ADRA1A: variants seen among roughly 807,000 people sequenced by gnomAD.
ADRA1A encodes the protein alpha-1A adrenergic receptor.
In ADRA1A, 31 loss-of-function variants were observed where a neutral mutation model predicts 29.6. The ratio of observed to expected loss-of-function variants is 1.05; its 90% confidence interval spans 0.79 to 1.41. The LOEUF is 1.41. ADRA1A is among the 40% of genes most tolerant of loss of function. The pLI is 0.00. For synonymous variants in ADRA1A, 311 were observed against 254.3 expected, an observed-to-expected ratio of 1.22 and a Z score of -2.12; for missense variants, 619 against 601.1, an observed-to-expected ratio of 1.03 and a Z score of -0.31.
At chr8:26,814,921 T>C (rs1809656678) in intron 2 of ADRA1A, among the ~76,000 whole-genome samples, 2 of 152,242 alleles carry the variant, frequency 1.3e-5, no homozygotes, top group Admixed American at 1.3e-4. Flanking sequence ...GAACTGAACC[T>C]TTAATGGATG....
intron 2 of ADRA1A, among the ~76,000 whole-genome samples, chr8:26,760,099 C>T (rs1363023811): frequency 6.6e-6 from 1 of 152,212 alleles, no homozygotes; most frequent in Admixed American, 6.5e-5. Flanking sequence ...GCAGTTAGAA[C>T]AGTCCTGATT....
chr8:26,801,126 T>C (rs1808546749), intron 2 of ADRA1A, among the ~76,000 whole-genome samples: 5 of 152,050 alleles, frequency 3.3e-5, no homozygotes, highest in Admixed American at 3.3e-4. Context: ...AAGAACATAT[T>C]CCAACACAAT....
intron 2 of ADRA1A, among the ~76,000 whole-genome samples, chr8:26,750,396 T>C (rs1804869247): frequency 1.3e-5 from 2 of 152,006 alleles, no homozygotes; most frequent in Non-Finnish European, 2.9e-5. Context: ...GAGACAGGGT[T>C]TCACCATGTT....
In ADRA1A at chr8:26,864,488, G is replaced by A. The variant is rs200323122; in HGVS notation, c.482C>T (p.Pro161Leu). ...WALSLVISIG[P>L]LFGWRQPAPE... The stretch of plus-strand genomic sequence containing the variant: ...GGCCGGCTGCCTCCAGCCGAACAGG[G>A]GTCCAATGGATATGACCAGGGAGAG... Residue 161 changes from proline (P) to leucine (L), a missense_variant, in exon 2 of 3, where the codon CCC becomes CTC. Pro to Leu is a moderately conservative substitution (Grantham distance 98, BLOSUM62 -3). Transcript: ENST00000380573. The surrounding 1 kb of genome is among the most constrained non-coding windows in gnomAD (Gnocchi z 8.1). 2.1e-5 allele frequency: 34 copies of A among 1,613,744 alleles called. No homozygotes were observed. The highest frequency in any genetic ancestry group is 2.8e-5 in the Non-Finnish European group (33 of 1,180,056).
At chr8:26,795,186 T>C (rs1382977350) in intron 2 of ADRA1A, among the ~76,000 whole-genome samples, 1 of 152,036 alleles carries the variant, frequency 6.6e-6, no homozygotes, top group Non-Finnish European at 1.5e-5. Flanking sequence ...AACAGACTTA[T>C]TGCTACTGGT....
At chr8:26,759,254 A>G (rs760314487) in intron 2 of ADRA1A, among the ~76,000 whole-genome samples, 2 of 152,222 alleles carry the variant, frequency 1.3e-5, no homozygotes, top group African/African-American at 4.8e-5. Flanking sequence ...TTTAGGTATC[A>G]GGGTTGCATA....
chr8:26,857,211 G>C (rs1813112916), intron 2 of ADRA1A, among the ~76,000 whole-genome samples: 1 of 152,084 alleles, frequency 6.6e-6, no homozygotes. Context: ...GGGAACAGAG[G>C]CCACCAAGAC....
chr8:26,769,128 A>G lies in ADRA1A; in HGVS notation c.*1021T>C, dbSNP rs1805955366. On this transcript the variant is annotated 3_prime_UTR_variant, in exon 3 of 3. Transcript: ENST00000380573. The stretch of plus-strand genomic sequence containing the variant: ...TGCAATAGTGAAGCAGATAAGAAGT[A>G]ATGGGAGACAATCTTTTGCCTTTCA... 1.0e-6 allele frequency: 1 copy of G among 985,448 alleles called. No individual in the cohort carries two copies. The highest frequency in any genetic ancestry group is 1.1e-4 in the East Asian group (1 of 8,808). The allele number at this position is 985,448 out of a possible 1,614,324, so 61.0% of individuals were successfully genotyped here. A position where few individuals can be genotyped will look rare whatever the true frequency, so the allele number is the denominator to read the frequency against.
At chr8:26,840,911 A>T (rs1018336377) in intron 2 of ADRA1A, among the ~76,000 whole-genome samples, 1 of 152,182 alleles carries the variant, frequency 6.6e-6, no homozygotes, top group African/African-American at 2.4e-5. Context: ...GAGAGCAAAC[A>T]CAGCCTTATG....
intron 2 of ADRA1A, among the ~76,000 whole-genome samples, chr8:26,803,064 T>A (rs1808705824): frequency 6.6e-6 from 1 of 152,118 alleles, no homozygotes; most frequent in Admixed American, 6.6e-5. Flanking sequence ...GAATGATGGT[T>A]AGCAGTGACT....
At chr8:26,783,294 C>T (rs1807132434) in intron 2 of ADRA1A, among the ~76,000 whole-genome samples, 1 of 152,030 alleles carries the variant, frequency 6.6e-6, no homozygotes, top group South Asian at 2.1e-4. Flanking sequence ...ATCCAAGTGC[C>T]CACCCAGAGA....
At chr8:26,852,443 T>A (rs1292446210) in intron 2 of ADRA1A, among the ~76,000 whole-genome samples, 3 of 152,016 alleles carry the variant, frequency 2.0e-5, no homozygotes, top group Admixed American at 6.5e-5. Context: ...AGGACTTGGA[T>A]TCTTTGAAAA....
chr8:26,774,207 C>T (rs979701353), intron 2 of ADRA1A, among the ~76,000 whole-genome samples: 14 of 152,162 alleles, frequency 9.2e-5, no homozygotes, highest in Admixed American at 4.6e-4. Context: ...ATAGTTCCAC[C>T]AGGGGCAGGT....
intron 2 of ADRA1A, among the ~76,000 whole-genome samples, chr8:26,791,233 T>G (rs933693305): frequency 3.9e-5 from 6 of 152,214 alleles, no homozygotes; most frequent in African/African-American, 1.4e-4. Flanking sequence ...CTAATTTGAA[T>G]ATTTTGGTTA....
chr8:26,755,887 G>A (rs1386856055), downstream of ADRA1A, among the ~76,000 whole-genome samples: 1 of 152,194 alleles, frequency 6.6e-6, no homozygotes, highest in African/African-American at 2.4e-5. Context: ...ATTTTGTTTT[G>A]CAGGGTGATT....
At chr8:26,851,367 T>A (rs1812615691) in intron 2 of ADRA1A, among the ~76,000 whole-genome samples, 1 of 151,806 alleles carries the variant, frequency 6.6e-6, no homozygotes, top group African/African-American at 2.4e-5. Flanking sequence ...ACCACAGAAT[T>A]AAAAAGCAAA....
chr8:26,804,319 T>C (rs542643364), intron 2 of ADRA1A, among the ~76,000 whole-genome samples: 1 of 152,250 alleles, frequency 6.6e-6, no homozygotes, highest in East Asian at 1.9e-4. Flanking sequence ...CTATGAGTGT[T>C]CAAAGAGGCT....
At chr8:26,863,213 C>A (rs1464277954) in intron 2 of ADRA1A, among the ~76,000 whole-genome samples, 1 of 152,112 alleles carries the variant, frequency 6.6e-6, no homozygotes, top group Non-Finnish European at 1.5e-5. Context: ...AGCACACAAC[C>A]ATTTTGGGAT....
At chr8:26,799,598 G>T (rs973406468) in intron 2 of ADRA1A, among the ~76,000 whole-genome samples, 1 of 152,176 alleles carries the variant, frequency 6.6e-6, no homozygotes, top group South Asian at 2.1e-4. Context: ...TTACTTTTAA[G>T]GCTAGAGCAA....
Sources: allele counts gnomAD v4.1 joint callset (sites outside exome capture counted in the v4.1 genomes callset), GRCh38; gene constraint gnomAD v4.1.1; non-coding constraint Gnocchi (gnomAD v3.1); transcripts MANE v1.5; gene names NCBI Gene and HGNC (gene_info 2026-07-23, HGNC 2026-07-21).